The following CTBS variants were observed in gnomAD, a reference collection of about 807,000 sequenced individuals.
CTBS encodes the protein chitobiase.
CTBS carries 35 observed loss-of-function variants against 44.3 expected under a neutral mutation model. The observed-to-expected ratio is 0.79, with a 90% CI of 0.60 to 1.05. The LOEUF (loss-of-function observed/expected upper bound fraction) is 1.05, where lower values mean the gene tolerates loss of function less well. Ranked by LOEUF, CTBS falls within the 50% of genes least tolerant of loss-of-function variation. The pLI, the probability that CTBS is intolerant of heterozygous loss-of-function variation, is 0.00. For missense variants in CTBS, 458 were observed against 475.3 expected, an observed-to-expected ratio of 0.96 and a Z score of 0.34; for synonymous variants, 143 against 168.0, an observed-to-expected ratio of 0.85 and a Z score of 1.15.
chr1:84,567,850 T>C (rs1684728917), intron 3 of CTBS, among the ~76,000 whole-genome samples: 1 of 152,216 alleles, frequency 6.6e-6, no homozygotes, highest in Admixed American at 6.5e-5. Flanking sequence ...GTATTTATTG[T>C]ACACCTGCTG....
Position 84,574,327 on chromosome 1 carries a change from AGCGCC to A in CTBS, c.84_88del (p.Leu30GlyfsTer16). The A allele has an allele frequency of 3.8e-6, 6 of 1,563,086 alleles. No individual in the cohort carries two copies. Among genetic ancestry groups the A allele is most frequent in the Admixed American group, 3.7e-5 (2 of 53,532 alleles). On this transcript the variant is annotated frameshift_variant, in exon 1 of 7. Transcript: ENST00000370630. LOFTEE classifies it high-confidence loss of function. ...CCCGGCCGCGAGCCGCAGCGCCAGC[AGCGCC>A]AGCAGCGCCAGCAGCGCTAGACCCG... is the stretch of plus-strand genomic sequence containing the variant.
At chr1:84,556,580 T>G (rs1302284952) in intron 6 of CTBS, among the ~76,000 whole-genome samples, 2 of 151,680 alleles carry the variant, frequency 1.3e-5, no homozygotes, top group African/African-American at 2.4e-5. Context: ...GGCTTGGTGG[T>G]GCATGCCTGT....
rs142708453 is a variant in CTBS, at chr1:84,550,090, TTAAG to T, written c.*4905_*4908del. ...GCATATAAAATATAGTATCATATTA[TTAAG>T]TATTTTAAAATAATTCTAATCTTAT... On this transcript the variant is annotated 3_prime_UTR_variant, in exon 7 of 7. Coordinates refer to ENST00000370630, the MANE Select transcript of CTBS (RefSeq NM_004388.3). The T allele has an allele frequency of 0.015, 2,361 of 154,828 alleles. 76 individuals are homozygous for T. Among genetic ancestry groups the T allele is most frequent in the African/African-American group, 0.054 (2,231 of 41,628 alleles). 9.6% of individuals were successfully genotyped at this position (154,828 alleles called of 1,614,324 possible).
chr1:84,574,069 G>A, intron 1 of CTBS, 170 bp downstream of exon 1: 1 of 1,446,564 alleles, frequency 6.9e-7, no homozygotes, highest in Non-Finnish European at 9.1e-7. Context: ...ACTTCTCTGA[G>A]CCCGAGCTTC....
Position 84,563,781 on chromosome 1 carries a change from C to T in CTBS, c.749G>A (p.Gly250Asp), listed in dbSNP as rs183007473. 5 of 1,608,934 alleles carry T rather than the reference C, an allele frequency of 3.1e-6. No individual in the cohort carries two copies. The highest frequency in any genetic ancestry group is 4.5e-5 in the East Asian group (2 of 44,544). The change falls in exon 5 of 7, where the codon GGT becomes GAT. Residue 250 changes from glycine (G) to aspartate (D), a missense_variant. Gly to Asp is a moderately conservative substitution (Grantham distance 94). Transcript: ENST00000370630. ...MSINPKKLVM[G>D]VPWYGYDYTC... Reference sequence around the variant, plus strand: ...ATAATCATAACCATACCAAGGAACACCCATTACAAGTTTCTTAGGATTAAT... The same window carrying T: ...ATAATCATAACCATACCAAGGAACATCCATTACAAGTTTCTTAGGATTAAT...
At chr1:84,566,064 A>G in intron 3 of CTBS, 52 bp from the exon 4 acceptor site, 2 of 1,168,940 alleles carry the variant, frequency 1.7e-6, no homozygotes, top group Admixed American at 3.0e-5. Flanking sequence ...TGTGCATATT[A>G]CGTCAGATTT....
At chr1:84,574,157 C>G (rs1296085282) in intron 1 of CTBS, 82 bp downstream of exon 1, 1 of 1,545,734 alleles carries the variant, frequency 6.5e-7, no homozygotes, top group South Asian at 1.2e-5. Flanking sequence ...GCCCACGGCA[C>G]CTCTCCTTAG....
In CTBS at chr1:84,551,912, A is replaced by T. The variant is rs1250156021; in HGVS notation, c.*3087T>A. ...CCCCTCATGCTGTTTTCTTCTGGAA[A>T]GCATGCACATTACTTGTAATCTTTG... On this transcript the variant is annotated 3_prime_UTR_variant, in exon 7 of 7. Transcript: ENST00000370630. The T allele has an allele frequency of 6.6e-6, 1 of 152,174 alleles. No homozygotes were observed. The highest frequency in any genetic ancestry group is 1.9e-4 in the East Asian group (1 of 5,198). 9.4% of individuals were successfully genotyped at this position (152,174 alleles called of 1,614,324 possible). A position where few individuals can be genotyped will look rare whatever the true frequency, so the allele number is the denominator to read the frequency against.
Position 84,552,865 on chromosome 1 carries a change from A to T in CTBS, c.*2134T>A. 1.8e-6 allele frequency: 1 copy of T among 544,556 alleles called. No homozygotes were observed. The highest frequency in any genetic ancestry group is 3.2e-6 in the Non-Finnish European group (1 of 309,640). The allele number at this position is 544,556 out of a possible 1,614,324, so 33.7% of individuals were successfully genotyped here. A position where few individuals can be genotyped will look rare whatever the true frequency, so the allele number is the denominator to read the frequency against. On this transcript the variant is annotated 3_prime_UTR_variant, in exon 7 of 7. Transcript: ENST00000370630. ...TAGATAAGCATGCTTATTAAACAGC[A>T]TTCATAATCTACACATTTACTGTAG...
Position 84,565,772 on chromosome 1 carries a change from AC to A in CTBS, c.697+68del, listed in dbSNP as rs1258807805. ...TACATATAACTTAGAAATACTAAAA[AC>A]ATCTTAATATTTTAATTTATAGAAT... On this transcript the variant is annotated intron_variant, in intron 4 of 6. Coordinates refer to ENST00000370630, the MANE Select transcript of CTBS (RefSeq NM_004388.3). 1.8e-5 allele frequency: 16 copies of A among 889,272 alleles called. No homozygotes were observed. In the African/African-American group the frequency reaches 2.9e-4, roughly 16 times the overall value. 55.1% of individuals were successfully genotyped at this position (889,272 alleles called of 1,614,324 possible).
chr1:84,566,015 G>A lies in CTBS; in HGVS notation c.526-3C>T. The stretch of plus-strand genomic sequence containing the variant: ...GACCAAGCTACATCAAAGGTTACCT[G>A]TGGAAAAAAATCTTACTATTTTATG... On this transcript the variant is annotated splice_polypyrimidine_tract_variant and splice_region_variant and intron_variant, in intron 3 of 6. Transcript: ENST00000370630. The A allele has an allele frequency of 6.6e-7, 1 of 1,511,556 alleles. No homozygotes were observed. The highest frequency in any genetic ancestry group is 1.4e-5 in the South Asian group (1 of 72,154). The allele number at this position is 1,511,556 out of a possible 1,614,324, so 93.6% of individuals were successfully genotyped here.
Position 84,574,412 on chromosome 1 carries a change from A to AC in CTBS, c.3dup (p.Ser2ValfsTer13). 6.5e-7 allele frequency: 1 copy of AC among 1,547,464 alleles called. No homozygotes were observed. The highest frequency in any genetic ancestry group is 8.7e-7 in the Non-Finnish European group (1 of 1,148,594). Reference sequence around the variant, plus strand: ...CGCCAGCGTCGAAGCTGCGGCCGGGACATAGCAGCAGGTCTAGCGGGCCGG... The same window carrying AC: ...CGCCAGCGTCGAAGCTGCGGCCGGGACCATAGCAGCAGGTCTAGCGGGCCGG... On this transcript the variant is annotated frameshift_variant, in exon 1 of 7. Transcript: ENST00000370630. LOFTEE classifies it high-confidence loss of function.
intron 5 of CTBS, 62 bp from the exon 6 acceptor site, chr1:84,563,480 C>A: frequency 8.7e-7 from 1 of 1,144,802 alleles, no homozygotes; most frequent in Non-Finnish European, 1.2e-6. Context: ...AAAGCCAAAC[C>A]AAAAATATAT....
chr1:84,563,137 C>T, intron 6 of CTBS, 120 bp downstream of exon 6: 1 of 561,622 alleles, frequency 1.8e-6, no homozygotes, highest in Non-Finnish European at 2.8e-6. Flanking sequence ...ATGTAAATAG[C>T]AGTCTGCATG....
intron 1 of CTBS, among the ~76,000 whole-genome samples, chr1:84,572,838 C>G (rs1647354738): frequency 6.6e-6 from 1 of 151,970 alleles, no homozygotes; most frequent in African/African-American, 2.4e-5. Flanking sequence ...GCCACCACGC[C>G]CAGCTAATTT....
rs1684253676 is a variant in CTBS at position 84,550,982 on chromosome 1, G to C, written c.*4017C>G. On this transcript the variant is annotated 3_prime_UTR_variant, in exon 7 of 7. Transcript: ENST00000370630. ...TAATGTGTCTTCTACTAGATGTTAA[G>C]TTTCCTTCCTGGCAGAGACTATGCC... The C allele has an allele frequency of 3.0e-6, 3 of 984,214 alleles. No homozygotes were observed. Among genetic ancestry groups the C allele is most frequent in the Non-Finnish European group, 3.6e-6 (3 of 828,982 alleles). 61.0% of individuals were successfully genotyped at this position (984,214 alleles called of 1,614,324 possible). A position where few individuals can be genotyped will look rare whatever the true frequency, so the allele number is the denominator to read the frequency against.
intron 6 of CTBS, among the ~76,000 whole-genome samples, chr1:84,560,718 A>C (rs1250308344): frequency 6.6e-6 from 1 of 152,180 alleles, no homozygotes; most frequent in Non-Finnish European, 1.5e-5. Context: ...TGGTAACTTT[A>C]AGTTGAAGCC....
Position 84,563,765 on chromosome 1 carries a change from A to G in CTBS, c.765T>C (p.Gly255=). ...ACAGATTCAGGCAGGTATAATCATAACCATACCAAGGAACACCCATTACAA... is the reference window on the plus strand; with the variant it reads ...ACAGATTCAGGCAGGTATAATCATAGCCATACCAAGGAACACCCATTACAA... The part of the protein sequence containing the change: ...KKLVMGVPWY[G]YDYTCLNLSE... Residue 255 remains glycine (G), a synonymous_variant, in exon 5 of 7, where the codon GGT becomes GGC. Transcript: ENST00000370630. 1 of 1,608,168 alleles carries G rather than the reference A, an allele frequency of 6.2e-7. No homozygotes were observed. Among genetic ancestry groups the G allele is most frequent in the Non-Finnish European group, 8.5e-7 (1 of 1,176,538 alleles).
rs1684337763 is a variant in CTBS at position 84,553,514 on chromosome 1, T to C, written c.*1485A>G. 6.6e-6 allele frequency: 1 copy of C among 152,372 alleles called. No homozygotes were observed. The highest frequency in any genetic ancestry group is 2.4e-5 in the African/African-American group (1 of 41,410). 9.4% of individuals were successfully genotyped at this position (152,372 alleles called of 1,614,324 possible). A position where few individuals can be genotyped will look rare whatever the true frequency, so the allele number is the denominator to read the frequency against. On this transcript the variant is annotated 3_prime_UTR_variant, in exon 7 of 7. Transcript: ENST00000370630. ...CATGAAAATACAGACTTCATTTAAC[T>C]TAATTTGTTCATTATATCTTAATTA...
Sources: gnomAD v4.1 joint callset for allele counts (sites outside exome capture counted in the v4.1 genomes callset) on GRCh38, gnomAD v4.1.1 for gene constraint, MANE v1.5 for transcripts, NCBI Gene and HGNC (gene_info 2026-07-23, HGNC 2026-07-21) for gene names.